PRR14L: variants seen among roughly 807,000 people sequenced by gnomAD.
PRR14L encodes protein PRR14L.
A neutral mutation model predicts 155.0 loss-of-function variants in PRR14L; 80 were observed. The ratio of observed to expected loss-of-function variants is 0.52; its 90% confidence interval spans 0.43 to 0.62. PRR14L has a LOEUF of 0.62. Among genes scored for constraint, PRR14L ranks in the 20% least tolerant of loss-of-function variants. PRR14L has a pLI of 0.00. For missense variants in PRR14L, 2,469 were observed against 2,548.0 expected, an observed-to-expected ratio of 0.97 and a Z score of 0.67; for synonymous variants, 883 against 916.0, an observed-to-expected ratio of 0.96 and a Z score of 0.65.
intron 7 of PRR14L, among the ~76,000 whole-genome samples, chr22:31,698,779 G>A (rs1187037440): frequency 2.6e-5 from 4 of 151,558 alleles, no homozygotes; most frequent in African/African-American, 4.8e-5. Context: ...AAAATTAGCC[G>A]GGCGTACTGG....
chr22:31,703,872 A>C (rs2074575985), intron 5 of PRR14L, 151 bp from the exon 6 acceptor site: 4 of 502,498 alleles, frequency 8.0e-6, no homozygotes, highest in Admixed American at 3.8e-5. Flanking sequence ...ATCTCGGCTC[A>C]ATGCAGCCTC....
intron 7 of PRR14L, among the ~76,000 whole-genome samples, chr22:31,698,478 C>G: frequency 6.9e-6 from 1 of 144,786 alleles, no homozygotes; most frequent in Non-Finnish European, 1.5e-5. Context: ...AACTACATCT[C>G]AAAACTACAT....
At chr22:31,694,949 G>A (rs996837273) in intron 7 of PRR14L, among the ~76,000 whole-genome samples, 2 of 151,620 alleles carry the variant, frequency 1.3e-5, no homozygotes, top group Non-Finnish European at 2.9e-5. Flanking sequence ...TGGGTGTGGC[G>A]GCACACTCCT....
chr22:31,717,286 T>C lies in PRR14L; in HGVS notation c.553A>G (p.Asn185Asp), dbSNP rs965710599. ...AGAGTTTCAGCTGTAATCTGTACATTTCCTTCTGAATAAGAGAAATAAATC... is the reference window on the plus strand; with the variant it reads ...AGAGTTTCAGCTGTAATCTGTACATCTCCTTCTGAATAAGAGAAATAAATC... ...PEDFLRSKEG[N>D]VQITAETLLK... Residue 185 changes from asparagine (N) to aspartate (D), a missense_variant, in exon 4 of 9, where the codon AAT (asparagine) becomes GAT (aspartate). This residue lies in a region of PRR14L where 2,363 missense variants were observed against 2,371.6 expected (regional missense o/e 1.00). Coordinates refer to ENST00000327423, the MANE Select transcript of PRR14L (RefSeq NM_173566.3). 6.5e-7 allele frequency: 1 copy of C among 1,539,216 alleles called. No homozygotes were observed. Among genetic ancestry groups the C allele is most frequent in the African/African-American group, 1.4e-5 (1 of 72,732 alleles).
rs1487933375 is a variant in PRR14L, at chr22:31,688,235, G to T, written c.6108-8C>A. ...AACTCCTTCTTCTTTAACCTGAAAA[G>T]AAATAAGGAAAAAAATTCTTCAGGT... is the stretch of plus-strand genomic sequence containing the variant. On this transcript the variant is annotated splice_region_variant and splice_polypyrimidine_tract_variant and intron_variant, in intron 7 of 8. Transcript: ENST00000327423. 2.6e-6 allele frequency: 4 copies of T among 1,564,196 alleles called. No homozygotes were observed. The highest frequency in any genetic ancestry group is 1.7e-6 in the Non-Finnish European group (2 of 1,159,998).
rs910940903 is a variant in PRR14L at position 31,703,446 on chromosome 22, G to A, written c.6000+104C>T. On this transcript the variant is annotated intron_variant, in intron 6 of 8. Coordinates refer to ENST00000327423, the MANE Select transcript of PRR14L (RefSeq NM_173566.3). ...ACTCGGCTGACACTGAAGGTGGTAC[G>A]TAAAGATACTCAGAAGCCAGTCTGT... is the stretch of plus-strand genomic sequence containing the variant. 1.9e-5 allele frequency: 21 copies of A among 1,130,438 alleles called. 1 individual carries two copies. The highest frequency in any genetic ancestry group is 3.1e-4 in the Middle Eastern group (1 of 3,248). 70.0% of individuals were successfully genotyped at this position (1,130,438 alleles called of 1,614,324 possible).
intron 7 of PRR14L, among the ~76,000 whole-genome samples, chr22:31,689,079 A>C (rs1002603661): frequency 6.6e-5 from 10 of 152,204 alleles, no homozygotes; most frequent in Non-Finnish European, 1.2e-4. Flanking sequence ...AATGGTTTTA[A>C]ATTTTTTAAA....
chr22:31,708,993 T>C (rs923168457), intron 4 of PRR14L, among the ~76,000 whole-genome samples: 2 of 151,904 alleles, frequency 1.3e-5, no homozygotes, highest in Non-Finnish European at 2.9e-5. Context: ...CCGGCTAATT[T>C]TGTATTTTTA....
At chr22:31,706,329 C>T (rs1043978800) in intron 4 of PRR14L, among the ~76,000 whole-genome samples, 26 of 144,838 alleles carry the variant, frequency 1.8e-4, no homozygotes, top group Middle Eastern at 3.4e-3. Flanking sequence ...CACCACTGCA[C>T]TCCAGCCTGG....
chr22:31,716,715 TCAG>T lies in PRR14L; in HGVS notation c.1121_1123del (p.Ala374del). On this transcript the variant is annotated inframe_deletion, in exon 4 of 9. Transcript: ENST00000327423. ...ATAAAAATAAGAACTGTCTGTCTTTTCAGCAGATCTCTTTAGCAAACCACCACC... is the reference window on the plus strand; with the variant it reads ...ATAAAAATAAGAACTGTCTGTCTTTTCAGATCTCTTTAGCAAACCACCACC... The T allele has an allele frequency of 6.4e-7, 1 of 1,551,814 alleles. No individual in the cohort carries two copies. Among genetic ancestry groups the T allele is most frequent in the Admixed American group, 2.0e-5 (1 of 50,942 alleles).
At chr22:31,738,252 C>T in intron 2 of PRR14L, 135 bp downstream of exon 2, 1 of 764,240 alleles carries the variant, frequency 1.3e-6, no homozygotes, top group Non-Finnish European at 2.1e-6. Flanking sequence ...ATCATCAAAA[C>T]AAAGTTAACT....
intron 7 of PRR14L, among the ~76,000 whole-genome samples, chr22:31,692,572 C>A (rs1305125720): frequency 1.3e-5 from 2 of 152,132 alleles, no homozygotes; most frequent in Non-Finnish European, 1.5e-5. Flanking sequence ...GGATACCAGA[C>A]CCTTATTAGA....
intron 2 of PRR14L, among the ~76,000 whole-genome samples, chr22:31,737,639 G>A (rs1473253105): frequency 1.3e-5 from 2 of 149,762 alleles, no homozygotes; most frequent in Non-Finnish European, 3.0e-5. Flanking sequence ...AAAAAAAAAA[G>A]AAGAAAAAAG....
intron 1 of PRR14L, among the ~76,000 whole-genome samples, chr22:31,747,729 A>C (rs1233151480): frequency 1.3e-5 from 2 of 151,270 alleles, no homozygotes; most frequent in Non-Finnish European, 2.9e-5. Flanking sequence ...ATTTAAGAAC[A>C]CTTTACATAC....
In PRR14L at chr22:31,710,522, G is replaced by A. The variant is rs552732039; in HGVS notation, c.5756+1561C>T. Among the ~76,000 whole-genome samples the A allele has an allele frequency of 4.6e-5, 7 of 151,268 alleles. No individual in the cohort carries two copies. In the South Asian group the frequency reaches 1.3e-3, roughly 27 times the overall value. ...GGCTGGAGTGCCGTGGCGTGATCTC[G>A]GCTCACTGCAAGTTCTGCCTCCCGG... On this transcript the variant is annotated intron_variant, in intron 4 of 8. Transcript: ENST00000327423.
In PRR14L at chr22:31,716,852, A is replaced by G. The variant is rs200218425; in HGVS notation, c.987T>C (p.Ser329=). The part of the protein sequence containing the change: ...HNEQPSSTHD[S]PTATSPLKEN... ...CTTTCAAAGGGCTTGTGGCTGTGGGACTATCATGTGTAGAACTGGGTTGTT... is the reference window on the plus strand; with the variant it reads ...CTTTCAAAGGGCTTGTGGCTGTGGGGCTATCATGTGTAGAACTGGGTTGTT... Residue 329 remains serine (S), a synonymous_variant, in exon 4 of 9, where the codon AGT becomes AGC. Transcript: ENST00000327423. 1 of 1,551,792 alleles carries G rather than the reference A, an allele frequency of 6.4e-7. No homozygotes were observed. The highest frequency in any genetic ancestry group is 8.7e-7 in the Non-Finnish European group (1 of 1,147,044).
chr22:31,688,033 A>T, intron 8 of PRR14L, 123 bp downstream of exon 8: 1 of 1,017,472 alleles, frequency 9.8e-7, no homozygotes, highest in Non-Finnish European at 1.4e-6. Context: ...GTCTCAAAAA[A>T]AAAAAAAAAA....
chr22:31,712,743 G>C lies in PRR14L; in HGVS notation c.5096C>G (p.Thr1699Ser). The C allele has an allele frequency of 6.4e-7, 1 of 1,551,800 alleles. No individual in the cohort carries two copies. The highest frequency in any genetic ancestry group is 8.7e-7 in the Non-Finnish European group (1 of 1,147,022). The change falls in exon 4 of 9, where the codon ACC (threonine) becomes AGC (serine). Residue 1699 changes from threonine (T) to serine (S), a missense_variant. This residue lies in a region of PRR14L where 2,363 missense variants were observed against 2,371.6 expected (regional missense o/e 1.00). Coordinates refer to ENST00000327423, the MANE Select transcript of PRR14L (RefSeq NM_173566.3). Reference sequence around the variant, plus strand: ...CATCTTGTTGCTCAAATCTATGAAGGTCATCTTGATGGATTCGAGAGAATA... The same window carrying C: ...CATCTTGTTGCTCAAATCTATGAAGCTCATCTTGATGGATTCGAGAGAATA... ...ALYSLESIKM[T>S]FIDLSNKMPS...
chr22:31,712,176 C>A lies in PRR14L; in HGVS notation c.5663G>T (p.Trp1888Leu). The A allele has an allele frequency of 6.2e-7, 1 of 1,613,946 alleles. No homozygotes were observed. The highest frequency in any genetic ancestry group is 8.5e-7 in the Non-Finnish European group (1 of 1,179,992). ...GCAGACAGAAGGACCATGCTGGCTC[C>A]AAATGGATAGGACTCTGCCCACCGA... ...PYSVGRVLSI[W>L]SQHGPSVCSF... Residue 1888 changes from tryptophan to leucine, a missense_variant, in exon 4 of 9, where the codon TGG becomes TTG. Trp to Leu is a moderately conservative substitution (Grantham distance 61). Coordinates refer to ENST00000327423, the MANE Select transcript of PRR14L (RefSeq NM_173566.3).
Sources: allele counts gnomAD v4.1 joint callset (sites outside exome capture counted in the v4.1 genomes callset), GRCh38; gene constraint gnomAD v4.1.1; regional missense constraint gnomAD v4.1.1; transcripts MANE v1.5; gene names NCBI Gene and HGNC (gene_info 2026-07-23, HGNC 2026-07-21).